Variants in SPATA16 observed in about 807,000 individuals in gnomAD.
The protein encoded by SPATA16 is spermatogenesis associated 16, also known as spermatogenesis-associated protein 16.
SPATA16 carries 36 observed loss-of-function variants against 63.3 expected under a neutral mutation model. The ratio of observed to expected loss-of-function variants is 0.57; its 90% CI spans 0.44 to 0.75. The LOEUF (loss-of-function observed/expected upper bound fraction) is 0.75, where lower values mean the gene tolerates loss of function less well. SPATA16 is among the 30% of genes least tolerant of loss of function. SPATA16 has a pLI of 0.00. For synonymous variants in SPATA16, 203 were observed against 216.7 expected, an observed-to-expected ratio of 0.94 and a Z score of 0.56; for missense variants, 646 against 679.3, an observed-to-expected ratio of 0.95 and a Z score of 0.54.
intron 3 of SPATA16, among the ~76,000 whole-genome samples, chr3:173,025,404 T>C (rs1454189960): frequency 1.3e-5 from 2 of 152,056 alleles, no homozygotes; most frequent in Non-Finnish European, 1.5e-5. Flanking sequence ...ATATTCATGT[T>C]CTATAATACT....
intron 10 of SPATA16, among the ~76,000 whole-genome samples, chr3:172,907,856 A>T (rs192228854): frequency 6.6e-6 from 1 of 152,026 alleles, no homozygotes; most frequent in Non-Finnish European, 1.5e-5. Flanking sequence ...GGTATTACAG[A>T]CGTGAGCCAC....
intron 10 of SPATA16, among the ~76,000 whole-genome samples, chr3:172,909,208 G>A (rs1281184748): frequency 6.6e-6 from 1 of 152,102 alleles, no homozygotes; most frequent in Non-Finnish European, 1.5e-5. Context: ...TCTAGCCTGG[G>A]ACACACAACC....
intron 5 of SPATA16, among the ~76,000 whole-genome samples, chr3:172,972,878 A>T (rs576434361): frequency 6.6e-6 from 1 of 152,312 alleles, no homozygotes; most frequent in East Asian, 1.9e-4. Context: ...AATTGCCGAC[A>T]TAGATAGCGT....
chr3:173,041,386 T>C lies in SPATA16; in HGVS notation c.758+7563A>G, dbSNP rs530801419. On this transcript the variant is annotated intron_variant, in intron 3 of 10. Transcript: ENST00000351008. ...TAAGTAGGAAGAAACATTCTCTTCATTGAGCCTTTCTTTTAAGAGTTGATG... is the reference window on the plus strand; with the variant it reads ...TAAGTAGGAAGAAACATTCTCTTCACTGAGCCTTTCTTTTAAGAGTTGATG... Among the ~76,000 whole-genome samples, 49 of 152,320 alleles carry C rather than the reference T, an allele frequency of 3.2e-4. No individual in the cohort carries two copies. In the South Asian group the frequency reaches 9.3e-3, roughly 29 times the overall value.
At chr3:173,123,183 A>G (rs1184389844) in intron 1 of SPATA16, among the ~76,000 whole-genome samples, 1 of 152,252 alleles carries the variant, frequency 6.6e-6, no homozygotes, top group Non-Finnish European at 1.5e-5. Flanking sequence ...ATACATAATA[A>G]TAACAACCAA....
intron 3 of SPATA16, among the ~76,000 whole-genome samples, chr3:173,046,184 A>G (rs1735952008): frequency 6.6e-6 from 1 of 152,102 alleles, no homozygotes. Flanking sequence ...ACCTTCTGAT[A>G]AACAGTGGCA....
chr3:172,982,083 A>C (rs1734335650), intron 4 of SPATA16, among the ~76,000 whole-genome samples: 1 of 152,230 alleles, frequency 6.6e-6, no homozygotes, highest in African/African-American at 2.4e-5. Context: ...GTAGTCACAC[A>C]ATAAATATTT....
intron 4 of SPATA16, among the ~76,000 whole-genome samples, chr3:172,994,536 G>T (rs998512860): frequency 6.6e-6 from 1 of 152,138 alleles, no homozygotes; most frequent in African/African-American, 2.4e-5. Context: ...ATCTGTGTGT[G>T]TGTATGTGTG....
intron 8 of SPATA16, among the ~76,000 whole-genome samples, chr3:172,921,560 GA>G (rs10682331): frequency 6.7e-6 from 1 of 149,278 alleles, no homozygotes; most frequent in Admixed American, 6.7e-5. Context: ...GTAAGCTAAG[GA>G]AAAAAAAAAT....
At chr3:172,952,950 A>G (rs1733476469) in intron 6 of SPATA16, among the ~76,000 whole-genome samples, 1 of 151,620 alleles carries the variant, frequency 6.6e-6, no homozygotes, top group Non-Finnish European at 1.5e-5. Flanking sequence ...AAAAAAAAAA[A>G]AAAAAAAAAA....
At chr3:173,102,178 A>G (rs1447931211) in intron 2 of SPATA16, among the ~76,000 whole-genome samples, 1 of 152,180 alleles carries the variant, frequency 6.6e-6, no homozygotes, top group Non-Finnish European at 1.5e-5. Flanking sequence ...TTGGGTTTCA[A>G]GTCTCAAATT....
chr3:173,138,622 T>C (rs2108352591), intron 1 of SPATA16, among the ~76,000 whole-genome samples: 1 of 152,280 alleles, frequency 6.6e-6, no homozygotes, highest in South Asian at 2.1e-4. Flanking sequence ...CAGGAGCTGA[T>C]TTCTATTCAG....
chr3:173,026,859 C>T (rs866735976), intron 3 of SPATA16, among the ~76,000 whole-genome samples: 81 of 151,778 alleles, frequency 5.3e-4, no homozygotes, highest in African/African-American at 1.6e-3. Flanking sequence ...AGTTTAAGTC[C>T]TCCCAACTTT....
intron 3 of SPATA16, among the ~76,000 whole-genome samples, chr3:173,043,246 TCTTGA>T (rs201237136): frequency 0.011 from 1,627 of 152,168 alleles, 19 homozygotes; most frequent in Non-Finnish European, 0.014. Context: ...CTTCCTCCTT[TCTTGA>T]CTTATTTTCA....
At chr3:172,894,840 C>T (rs534617129) in intron 10 of SPATA16, among the ~76,000 whole-genome samples, 1 of 152,306 alleles carries the variant, frequency 6.6e-6, no homozygotes, top group East Asian at 1.9e-4. Context: ...CAACTATGAA[C>T]CAGAAAAGGG....
intron 2 of SPATA16, among the ~76,000 whole-genome samples, chr3:173,073,226 G>A (rs769110519): frequency 4.6e-5 from 7 of 152,180 alleles, no homozygotes; most frequent in Non-Finnish European, 1.0e-4. Context: ...TTTGCAGCCT[G>A]ACAATGCACT....
At chr3:172,892,497 A>G (rs937998099) in intron 10 of SPATA16, among the ~76,000 whole-genome samples, 3 of 152,214 alleles carry the variant, frequency 2.0e-5, no homozygotes, top group Admixed American at 6.5e-5. Context: ...TTATTCCCTT[A>G]GATTACACCA....
intron 5 of SPATA16, among the ~76,000 whole-genome samples, chr3:172,965,943 CTT>C (rs1484575738): frequency 6.6e-6 from 1 of 152,056 alleles, no homozygotes; most frequent in Non-Finnish European, 1.5e-5. Context: ...TCCCAGAAGA[CTT>C]TATATTTTAA....
At chr3:172,902,500 C>A (rs1302323323) in intron 10 of SPATA16, among the ~76,000 whole-genome samples, 7 of 152,192 alleles carry the variant, frequency 4.6e-5, no homozygotes, top group Admixed American at 4.6e-4. Context: ...ATCAGTTTGA[C>A]CAGTTGCTTC....
Sources: gnomAD v4.1 joint callset for allele counts (sites outside exome capture counted in the v4.1 genomes callset) on GRCh38, gnomAD v4.1.1 for gene constraint, MANE v1.5 for transcripts, NCBI Gene and HGNC (gene_info 2026-07-23, HGNC 2026-07-21) for gene names.